The following CSMD1 variants were observed in gnomAD, a reference collection of about 807,000 sequenced individuals.
The protein encoded by CSMD1 is CUB and sushi domain-containing protein 1.
CSMD1 carries 213 observed loss-of-function variants against 417.5 expected under a neutral mutation model. The ratio of observed to expected loss-of-function variants is 0.51; its 90% CI spans 0.46 to 0.57. CSMD1 has a LOEUF of 0.57. Ranked by LOEUF, CSMD1 falls within the 20% of genes least tolerant of loss-of-function variation. The pLI, the probability that CSMD1 is intolerant of heterozygous loss-of-function variation, is 0.00. For missense variants in CSMD1, 6,923 were observed against 4,529.7 expected, an observed-to-expected ratio of 1.53 and a Z score of -15.17; for synonymous variants, 2,862 against 1,736.8, an observed-to-expected ratio of 1.65 and a Z score of -16.11.
intron 2 of CSMD1, among the ~76,000 whole-genome samples, chr8:4,551,673 T>C (rs987259251): frequency 6.6e-6 from 1 of 151,886 alleles, no homozygotes; most frequent in Non-Finnish European, 1.5e-5. Context: ...GATCAATTTA[T>C]TTATTTATTT....
chr8:3,143,316 A>G (rs1365234717), intron 40 of CSMD1, among the ~76,000 whole-genome samples: 1 of 152,176 alleles, frequency 6.6e-6, no homozygotes, highest in East Asian at 1.9e-4. Flanking sequence ...TACGTGTGCA[A>G]AACAAATTAT....
At chr8:3,563,192 GTTTT>G (rs1049456665) in intron 10 of CSMD1, among the ~76,000 whole-genome samples, 1 of 151,716 alleles carries the variant, frequency 6.6e-6, no homozygotes, top group Non-Finnish European at 1.5e-5. Context: ...ATTTAGTTGG[GTTTT>G]TTGTTTGTTT....
intron 1 of CSMD1, among the ~76,000 whole-genome samples, chr8:4,667,529 A>G (rs1183826674): frequency 6.6e-6 from 1 of 151,936 alleles, no homozygotes; most frequent in Non-Finnish European, 1.5e-5. Context: ...GTCTTTTTAA[A>G]ATTTTCCTAT....
intron 26 of CSMD1, among the ~76,000 whole-genome samples, chr8:3,261,410 G>A (rs139194839): frequency 5.0e-4 from 76 of 152,316 alleles, no homozygotes; most frequent in African/African-American, 1.8e-3. Context: ...ATATGGTGCA[G>A]TATATACGGC....
intron 6 of CSMD1, among the ~76,000 whole-genome samples, chr8:3,713,202 T>G (rs894873258): frequency 6.6e-6 from 1 of 152,186 alleles, no homozygotes; most frequent in African/African-American, 2.4e-5. Context: ...TTAATTTTGT[T>G]GTGTCATTTA....
At chr8:4,051,225 C>A (rs1798408216) in intron 3 of CSMD1, among the ~76,000 whole-genome samples, 1 of 151,134 alleles carries the variant, frequency 6.6e-6, no homozygotes, top group Non-Finnish European at 1.5e-5. Context: ...GGGACCAGGC[C>A]TGTGGGAACA....
At chr8:4,679,087 T>A (rs147352279) in intron 1 of CSMD1, among the ~76,000 whole-genome samples, 2 of 152,278 alleles carry the variant, frequency 1.3e-5, no homozygotes, top group Non-Finnish European at 2.9e-5. Context: ...TCAGGTAGCC[T>A]CACATCTGGT....
chr8:3,463,594 G>A (rs1410581308), intron 12 of CSMD1, among the ~76,000 whole-genome samples: 1 of 152,214 alleles, frequency 6.6e-6, no homozygotes, highest in Non-Finnish European at 1.5e-5. Context: ...AGGGGCATGA[G>A]CTCACTTTCT....
At chr8:3,559,208 A>G (rs1401394038) in intron 10 of CSMD1, among the ~76,000 whole-genome samples, 2 of 152,230 alleles carry the variant, frequency 1.3e-5, no homozygotes, top group African/African-American at 2.4e-5. Context: ...ATAAGTATCA[A>G]TATTTCAAAT....
At chr8:4,897,285 G>C (rs572361356) in intron 1 of CSMD1, among the ~76,000 whole-genome samples, 7 of 151,816 alleles carry the variant, frequency 4.6e-5, no homozygotes, top group Non-Finnish European at 1.0e-4. Context: ...TGTTCATTTA[G>C]GTAAGAAAAA....
At chr8:2,999,087 C>T (rs1039723192) in intron 53 of CSMD1, among the ~76,000 whole-genome samples, 8 of 151,568 alleles carry the variant, frequency 5.3e-5, no homozygotes, top group Non-Finnish European at 1.0e-4. Context: ...CAATATTTAT[C>T]GCTGAAGTTA....
intron 2 of CSMD1, among the ~76,000 whole-genome samples, chr8:4,490,506 C>T (rs1801646724): frequency 6.6e-6 from 1 of 152,178 alleles, no homozygotes; most frequent in Admixed American, 6.5e-5. Context: ...TTATTCATCA[C>T]ATTTTTTAAA....
chr8:3,220,189 C>T lies in CSMD1; in HGVS notation c.4485-747G>A, dbSNP rs143345224. On this transcript the variant is annotated intron_variant, in intron 28 of 69. Coordinates refer to ENST00000635120, the MANE Select transcript of CSMD1 (RefSeq NM_033225.6). ...GACTCCACTTGCGTGGATAAATCAG[C>T]GAATATTAATAGCCCCTACAATGCC... 7.4e-3 allele frequency among the ~76,000 whole-genome samples: 1,110 copies of T among 150,454 alleles called. 9 individuals are homozygous for T. Among genetic ancestry groups the T allele is most frequent in the Non-Finnish European group, 0.012 (801 of 67,856 alleles).
chr8:3,717,307 T>A (rs943954293), intron 6 of CSMD1, among the ~76,000 whole-genome samples: 1 of 152,242 alleles, frequency 6.6e-6, no homozygotes, highest in Non-Finnish European at 1.5e-5. Context: ...AGTATTTTAA[T>A]GAACTTGTAT....
At chr8:4,772,825 A>G (rs1231240590) in intron 1 of CSMD1, among the ~76,000 whole-genome samples, 1 of 152,120 alleles carries the variant, frequency 6.6e-6, no homozygotes, top group African/African-American at 2.4e-5. Context: ...AACATTTCCT[A>G]AGTTTGATAT....
chr8:4,435,569 G>T (rs944351558), intron 2 of CSMD1, among the ~76,000 whole-genome samples: 1 of 152,102 alleles, frequency 6.6e-6, no homozygotes, highest in East Asian at 1.9e-4. Flanking sequence ...TGGCTGTCAT[G>T]CTCCCTTCCA....
chr8:4,828,799 G>T (rs77303075), intron 1 of CSMD1, among the ~76,000 whole-genome samples: 1 of 152,074 alleles, frequency 6.6e-6, no homozygotes, highest in Non-Finnish European at 1.5e-5. Flanking sequence ...AATCAGATGA[G>T]CCCAGAAGTA....
At chr8:3,406,426 A>T (rs1209911077) in intron 14 of CSMD1, among the ~76,000 whole-genome samples, 1 of 152,222 alleles carries the variant, frequency 6.6e-6, no homozygotes, top group Non-Finnish European at 1.5e-5. Context: ...CAGGGAGATG[A>T]ACAAATATAA....
chr8:4,664,488 G>A (rs532641840), intron 1 of CSMD1, among the ~76,000 whole-genome samples: 2 of 152,086 alleles, frequency 1.3e-5, no homozygotes, highest in African/African-American at 4.8e-5. Context: ...TTACCCTGGG[G>A]AGTTCAAGGC....
Sources: allele counts gnomAD v4.1 joint callset (sites outside exome capture counted in the v4.1 genomes callset), GRCh38; gene constraint gnomAD v4.1.1; transcripts MANE v1.5; gene names NCBI Gene and HGNC (gene_info 2026-07-23, HGNC 2026-07-21).